SCAND3: variants seen among roughly 807,000 people sequenced by gnomAD.
SCAND3 encodes SCAN domain-containing protein 3.
chr6:28,598,698 T>TA, the SCAND3 span, among the ~76,000 whole-genome samples: 2 of 135,738 alleles, frequency 1.5e-5, no homozygotes, highest in African/African-American at 6.2e-5. Flanking sequence ...TAAAATAAAA[T>TA]AAAATAAAAT....
the SCAND3 span, among the ~76,000 whole-genome samples, chr6:28,614,273 C>T: frequency 6.6e-6 from 1 of 151,670 alleles, no homozygotes; most frequent in Non-Finnish European, 1.5e-5. Flanking sequence ...AACAATTCCA[C>T]TTTCAAAAGA....
At chr6:28,572,875 C>T in the SCAND3 span, 4 of 1,613,680 alleles carry the variant, frequency 2.5e-6, no homozygotes, top group African/African-American at 5.3e-5. This position sits in a 1 kb window ranked among gnomAD's most constrained non-coding sequence, Gnocchi z 4.1. Context: ...CATGGCAAGA[C>T]TTTCTCGATG....
chr6:28,603,040 G>A, the SCAND3 span, among the ~76,000 whole-genome samples: 1 of 136,376 alleles, frequency 7.3e-6, no homozygotes, highest in African/African-American at 2.9e-5. Context: ...TCGGCTCACT[G>A]CAAACTCCGC....
chr6:28,609,259 C>T, the SCAND3 span, among the ~76,000 whole-genome samples: 2 of 152,070 alleles, frequency 1.3e-5, no homozygotes, highest in Non-Finnish European at 2.9e-5. Flanking sequence ...CTGGAAGCCA[C>T]CCCTCAAATG....
At chr6:28,575,076 G>A in the SCAND3 span, 1 of 1,614,084 alleles carries the variant, frequency 6.2e-7, no homozygotes, top group Non-Finnish European at 8.5e-7. This position sits in a 1 kb window ranked among gnomAD's most constrained non-coding sequence, Gnocchi z 4.2. Flanking sequence ...CTGTATGCAA[G>A]CTGGCAACAA....
chr6:28,598,876 CAAAAAA>C, the SCAND3 span, among the ~76,000 whole-genome samples: 4 of 74,314 alleles, frequency 5.4e-5, no homozygotes, highest in Admixed American at 1.6e-4. Context: ...GACTATGTCT[CAAAAAA>C]AAAAAAAAAA....
At chr6:28,584,154 G>A in the SCAND3 span, among the ~76,000 whole-genome samples, 1 of 152,050 alleles carries the variant, frequency 6.6e-6, no homozygotes, top group African/African-American at 2.4e-5. Flanking sequence ...CCCTGTATAG[G>A]CAACCAATAT....
the SCAND3 span, among the ~76,000 whole-genome samples, chr6:28,609,946 C>G: frequency 6.6e-6 from 1 of 152,146 alleles, no homozygotes; most frequent in Admixed American, 6.5e-5. Flanking sequence ...GGCATGGAGT[C>G]CAGGCAAGTT....
At chr6:28,594,133 T>G in the SCAND3 span, 1 of 152,196 alleles carries the variant, frequency 6.6e-6, no homozygotes, top group Non-Finnish European at 1.5e-5. Context: ...CTTTTGTACA[T>G]TGTTGGTGAA....
the SCAND3 span, among the ~76,000 whole-genome samples, chr6:28,613,262 C>A: frequency 6.6e-6 from 1 of 152,146 alleles, no homozygotes; most frequent in African/African-American, 2.4e-5. Context: ...ACTCAACGAA[C>A]AAGTAGAGAG....
chr6:28,612,252 A>T, the SCAND3 span, among the ~76,000 whole-genome samples: 1 of 151,758 alleles, frequency 6.6e-6, no homozygotes, highest in Non-Finnish European at 1.5e-5. Flanking sequence ...GTTAGCCAGG[A>T]TGGTCTCGAT....
chr6:28,581,331 C>A, the SCAND3 span, among the ~76,000 whole-genome samples: 1 of 152,002 alleles, frequency 6.6e-6, no homozygotes, highest in Non-Finnish European at 1.5e-5. Context: ...GAGTGAGATT[C>A]CATCTCAAAT....
chr6:28,579,362 A>G, the SCAND3 span: 1 of 1,614,046 alleles, frequency 6.2e-7, no homozygotes, highest in Non-Finnish European at 8.5e-7. The surrounding 1 kb of genome is among the most constrained non-coding windows in gnomAD (Gnocchi z 4.5). Flanking sequence ...TCCTTTGCAG[A>G]ATCCAGAGGG....
At chr6:28,572,549 C>T in the SCAND3 span, 1 of 1,614,002 alleles carries the variant, frequency 6.2e-7, no homozygotes. The surrounding 1 kb of genome is among the most constrained non-coding windows in gnomAD (Gnocchi z 4.1). Context: ...GCATTAAGAT[C>T]ATTAAAAATA....
At chr6:28,574,309 C>A in the SCAND3 span, among the ~76,000 whole-genome samples, 1 of 152,168 alleles carries the variant, frequency 6.6e-6, no homozygotes, top group Non-Finnish European at 1.5e-5. Flanking sequence ...TCATAAGTAA[C>A]CTCCATATTT....
At chr6:28,580,463 A>G in the SCAND3 span, among the ~76,000 whole-genome samples, 2 of 152,162 alleles carry the variant, frequency 1.3e-5, no homozygotes, top group South Asian at 4.1e-4. Flanking sequence ...AAAAATTCTT[A>G]AACTGTGCAA....
chr6:28,597,381 G>C, the SCAND3 span, among the ~76,000 whole-genome samples: 2 of 152,180 alleles, frequency 1.3e-5, no homozygotes, highest in African/African-American at 4.8e-5. Context: ...AGAGCACAAT[G>C]GATTAGCAGT....
At chr6:28,597,559 A>C in the SCAND3 span, among the ~76,000 whole-genome samples, 1 of 152,214 alleles carries the variant, frequency 6.6e-6, no homozygotes, top group Non-Finnish European at 1.5e-5. Context: ...TTTTAGGTAC[A>C]TTTCGCAGCA....
chr6:28,580,515 G>A, the SCAND3 span, among the ~76,000 whole-genome samples: 1 of 152,042 alleles, frequency 6.6e-6, no homozygotes, highest in Non-Finnish European at 1.5e-5. Context: ...TCATAAAATG[G>A]TTAAGCCAGT....
Sources: allele counts gnomAD v4.1 joint callset (sites outside exome capture counted in the v4.1 genomes callset), GRCh38; gene constraint gnomAD v4.1.1; non-coding constraint Gnocchi (gnomAD v3.1); transcripts MANE v1.5; gene names NCBI Gene and HGNC (gene_info 2026-07-23, HGNC 2026-07-21).